The following ITGA11 variants were observed in gnomAD, a reference collection of about 807,000 sequenced individuals.
ITGA11 encodes the protein integrin subunit alpha 11.
Under a neutral mutation model 141.9 loss-of-function variants are expected in ITGA11, and 97 were observed. The observed-to-expected ratio is 0.68, with a 90% CI of 0.58 to 0.81. The LOEUF is 0.81. ITGA11 is among the 30% of genes least tolerant of loss of function. The pLI is 0.00. For missense variants in ITGA11, 1,387 were observed against 1,559.2 expected (o/e 0.89, Z 1.86); for synonymous variants, 658 against 624.6 (o/e 1.05, Z -0.80).
rs751189025 is a variant in ITGA11, at chr15:68,369,254, A to G, written c.195T>C (p.Asn65=). Residue 65 remains asparagine, a synonymous_variant, in exon 3 of 30, where the codon AAT becomes AAC. Coordinates refer to ENST00000315757, the MANE Select transcript of ITGA11 (RefSeq NM_001004439.2). The part of the protein sequence containing the change: ...WLVVGAPLET[N]GYQKTGDVYK... ...ACACGTCTCCCGTCTTCTGGTAGCCATTGGTTTCCAGTGGGGCGCCCACGA... is the reference window on the plus strand; with the variant it reads ...ACACGTCTCCCGTCTTCTGGTAGCCGTTGGTTTCCAGTGGGGCGCCCACGA... 56 of 1,613,756 alleles carry G rather than the reference A, an allele frequency of 3.5e-5. No homozygotes were observed. The highest frequency in any genetic ancestry group is 1.5e-4 in the South Asian group (14 of 91,080).
At chr15:68,320,959 C>A (rs1030487288) in intron 19 of ITGA11, among the ~76,000 whole-genome samples, 3 of 152,062 alleles carry the variant, frequency 2.0e-5, no homozygotes, top group Non-Finnish European at 4.4e-5. Flanking sequence ...TCGTTTGTCT[C>A]TTCCAGGGGA....
intron 1 of ITGA11, among the ~76,000 whole-genome samples, chr15:68,403,836 C>T (rs1005823988): frequency 6.6e-6 from 1 of 152,036 alleles, no homozygotes; most frequent in Admixed American, 6.5e-5. Flanking sequence ...CAGGGTTTCA[C>T]CATGTTGGCC....
intron 14 of ITGA11, 70 bp downstream of exon 14, chr15:68,331,789 A>G: frequency 2.2e-6 from 3 of 1,345,154 alleles, no homozygotes; most frequent in East Asian, 5.0e-5. Context: ...GATGAGGCAC[A>G]GAAGCTCCTG....
chr15:68,341,883 C>T (rs1894584387), intron 10 of ITGA11, among the ~76,000 whole-genome samples: 1 of 152,220 alleles, frequency 6.6e-6, no homozygotes, highest in African/African-American at 2.4e-5. Context: ...TCCGTCATGA[C>T]TTCTGGATTT....
rs1329763559 is a variant in ITGA11, at chr15:68,308,300, A to C, written c.3175-604T>G. 1.3e-5 allele frequency among the ~76,000 whole-genome samples: 2 copies of C among 152,230 alleles called. No homozygotes were observed. The highest frequency in any genetic ancestry group is 2.9e-5 in the Non-Finnish European group (2 of 68,036). Reference sequence around the variant, plus strand: ...AAGAGCCCCTATCTGAGCAACATGAATTCTGCTAAAATTGAAGCAAAAACA... The same window carrying C: ...AAGAGCCCCTATCTGAGCAACATGACTTCTGCTAAAATTGAAGCAAAAACA... On this transcript the variant is annotated intron_variant, in intron 26 of 29. Coordinates refer to ENST00000315757, the MANE Select transcript of ITGA11 (RefSeq NM_001004439.2). The surrounding 1 kb of genome is among the most constrained non-coding windows in gnomAD (Gnocchi z 5.2).
At chr15:68,404,606 A>C (rs566077499) in intron 1 of ITGA11, among the ~76,000 whole-genome samples, 49 of 152,280 alleles carry the variant, frequency 3.2e-4, no homozygotes, top group African/African-American at 1.1e-3. Context: ...TGGCAGATGC[A>C]CTTGGTGCAG....
At chr15:68,389,385 G>T (rs548492453) in intron 2 of ITGA11, among the ~76,000 whole-genome samples, 1 of 152,290 alleles carries the variant, frequency 6.6e-6, no homozygotes, top group Admixed American at 6.5e-5. Flanking sequence ...CCACAGCCTC[G>T]CTCTCATGGG....
intron 1 of ITGA11, among the ~76,000 whole-genome samples, 159 bp downstream of exon 1, chr15:68,431,856 T>C (rs1056020617): frequency 1.3e-5 from 2 of 152,208 alleles, no homozygotes; most frequent in Admixed American, 6.5e-5. Context: ...ACTGAACCGC[T>C]AGACTGGGGC....
intron 10 of ITGA11, among the ~76,000 whole-genome samples, chr15:68,348,228 C>G (rs1195095933): frequency 6.6e-6 from 1 of 152,224 alleles, no homozygotes; most frequent in African/African-American, 2.4e-5. Context: ...ACCCCTCCCT[C>G]TGTGGGCCAG....
chr15:68,399,006 C>T (rs578163873), intron 2 of ITGA11, among the ~76,000 whole-genome samples: 11 of 151,696 alleles, frequency 7.3e-5, no homozygotes, highest in South Asian at 2.1e-4. Flanking sequence ...TAAAATTGAA[C>T]GTATAAATTC....
At chr15:68,336,012 G>A in intron 11 of ITGA11, 167 bp from the exon 12 acceptor site, 1 of 805,902 alleles carries the variant, frequency 1.2e-6, no homozygotes, top group Admixed American at 2.6e-5. Context: ...GGGGCAGCTG[G>A]GGAGGCCTGG....
intron 3 of ITGA11, chr15:68,365,037 T>G (rs1895374506): frequency 1.5e-6 from 1 of 663,066 alleles, no homozygotes; most frequent in South Asian, 6.7e-5. Flanking sequence ...GGTCACACAG[T>G]GAGCACTCAC....
At chr15:68,355,827 G>C (rs1322563330) in intron 7 of ITGA11, among the ~76,000 whole-genome samples, 1 of 151,944 alleles carries the variant, frequency 6.6e-6, no homozygotes, top group Non-Finnish European at 1.5e-5. Flanking sequence ...TAAGGTACCA[G>C]GTCTGTGGTC....
At chr15:68,372,363 G>T (rs1895615018) in intron 2 of ITGA11, among the ~76,000 whole-genome samples, 1 of 151,952 alleles carries the variant, frequency 6.6e-6, no homozygotes, top group South Asian at 2.1e-4. Context: ...ACAGCCTTCT[G>T]CAGCCTCAGG....
In ITGA11 at chr15:68,335,398, T is replaced by C. The variant is rs1567133801; in HGVS notation, c.1425+299A>G. Among the ~76,000 whole-genome samples the C allele has an allele frequency of 6.6e-6, 1 of 152,238 alleles. No individual in the cohort carries two copies. The highest frequency in any genetic ancestry group is 1.9e-4 in the East Asian group (1 of 5,204). On this transcript the variant is annotated intron_variant, in intron 12 of 29. Transcript: ENST00000315757. This position sits in a 1 kb window ranked among gnomAD's most constrained non-coding sequence, Gnocchi z 4.9. ...TCATCATTGTCCACCACAGGACTCT[T>C]GGCAGCACAGTCTGGTTGCCAACCA...
intron 2 of ITGA11, among the ~76,000 whole-genome samples, chr15:68,370,241 G>C (rs1288584491): frequency 5.9e-5 from 9 of 152,184 alleles, no homozygotes; most frequent in Non-Finnish European, 8.8e-5. Flanking sequence ...TAACACACCT[G>C]GCTTACTTAC....
At position 68,312,982 on chromosome 15, in the gene ITGA11, C is replaced by T. The variant is rs144295248; in HGVS notation, c.2883-119G>A. 2,185 of 671,414 alleles carry T rather than the reference C, an allele frequency of 3.3e-3. 7 individuals carry two copies. The highest frequency in any genetic ancestry group is 6.3e-3 in the African/African-American group (355 of 56,416). 41.6% of individuals were successfully genotyped at this position (671,414 alleles called of 1,614,324 possible). A position where few individuals can be genotyped will look rare whatever the true frequency, so the allele number is the denominator to read the frequency against. On this transcript the variant is annotated intron_variant, in intron 23 of 29. Transcript: ENST00000315757. The stretch of plus-strand genomic sequence containing the variant: ...CCCCGGGCCACGAAAAACAGGTTCC[C>T]GCTTGTGTCGGCTGGGAGTGAGTGT...
chr15:68,330,699 G>A (rs1017905082), intron 15 of ITGA11, among the ~76,000 whole-genome samples: 5 of 152,148 alleles, frequency 3.3e-5, no homozygotes, highest in African/African-American at 9.7e-5. Flanking sequence ...CCCTGCGAGT[G>A]TTATAGCTTG....
At chr15:68,339,738 A>G in intron 10 of ITGA11, 94 bp from the exon 11 acceptor site, 1 of 1,460,918 alleles carries the variant, frequency 6.8e-7, no homozygotes, top group Non-Finnish European at 9.5e-7. Context: ...CGCCTCCACC[A>G]GCCACCTCGG....
Sources: gnomAD v4.1 joint callset for allele counts (sites outside exome capture counted in the v4.1 genomes callset) on GRCh38, gnomAD v4.1.1 for gene constraint, Gnocchi (gnomAD v3.1) non-coding constraint, MANE v1.5 for transcripts, NCBI Gene and HGNC (gene_info 2026-07-23, HGNC 2026-07-21) for gene names.